Variants in TLE4 observed in about 807,000 individuals in gnomAD.
The protein encoded by TLE4 is transducin-like enhancer protein 4.
Under a neutral mutation model 92.8 loss-of-function variants are expected in TLE4, and 8 were observed. The ratio of observed to expected loss-of-function variants is 0.09; its 90% CI spans 0.05 to 0.16. TLE4 has a LOEUF of 0.16. TLE4 is among the 10% of genes least tolerant of loss of function. TLE4 has a pLI of 1.00. For missense variants in TLE4, 675 were observed against 997.6 expected, an observed-to-expected ratio of 0.68 and a Z score of 4.36; for synonymous variants, 371 against 374.1, an observed-to-expected ratio of 0.99 and a Z score of 0.10.
At position 79,582,639 on chromosome 9, in the gene TLE4, C is replaced by CTT. The variant is rs35195007; in HGVS notation, c.252+6478_252+6479dup. 6.7e-3 allele frequency among the ~76,000 whole-genome samples: 777 copies of CTT among 115,624 alleles called. 10 individuals are homozygous for CTT. The highest frequency in any genetic ancestry group is 0.018 in the Admixed American group (205 of 11,398). The allele number at this position is 115,624 out of a possible 152,430, so 75.9% of individuals were successfully genotyped here. A position where few individuals can be genotyped will look rare whatever the true frequency, so the allele number is the denominator to read the frequency against. ...TTATTTGTGTTTGTTTTTAATGTGG[C>CTT]TTTTTTTTTTTTTTTTTGCCTTTGA... is the stretch of plus-strand genomic sequence containing the variant. On this transcript the variant is annotated intron_variant, in intron 4 of 19. Transcript: ENST00000376552.
At chr9:79,634,159 T>A (rs1456025807) in intron 6 of TLE4, among the ~76,000 whole-genome samples, 1 of 152,214 alleles carries the variant, frequency 6.6e-6, no homozygotes, top group Non-Finnish European at 1.5e-5. Context: ...GGGCATATTT[T>A]ATTTTCATTT....
intron 4 of TLE4, among the ~76,000 whole-genome samples, chr9:79,582,453 A>G (rs1212801116): frequency 6.6e-6 from 1 of 152,136 alleles, no homozygotes; most frequent in African/African-American, 2.4e-5. Flanking sequence ...AGCACTGGTG[A>G]AGGAGACAAT....
chr9:79,682,094 A>T (rs971404138), intron 8 of TLE4, among the ~76,000 whole-genome samples: 3 of 152,108 alleles, frequency 2.0e-5, no homozygotes, highest in African/African-American at 7.2e-5. Context: ...ATCTGGAAGC[A>T]TCCTATTTTG....
intron 5 of TLE4, among the ~76,000 whole-genome samples, chr9:79,622,018 C>T (rs761124441): frequency 6.6e-6 from 1 of 152,212 alleles, no homozygotes; most frequent in South Asian, 2.1e-4. Flanking sequence ...TACTCAAATG[C>T]AGAACTGATA....
chr9:79,652,408 C>T (rs188491890), intron 6 of TLE4, among the ~76,000 whole-genome samples, 185 bp from the exon 7 acceptor site: 34 of 152,254 alleles, frequency 2.2e-4, no homozygotes, highest in African/African-American at 7.9e-4. Context: ...AGGGTGGTCT[C>T]AATCTCCTGA....
intron 5 of TLE4, among the ~76,000 whole-genome samples, chr9:79,616,808 T>G (rs2049746937): frequency 1.3e-5 from 2 of 152,114 alleles, no homozygotes; most frequent in South Asian, 4.1e-4. Context: ...CCTAAAACTC[T>G]ACATCACTGT....
chr9:79,612,859 T>G (rs2048671677), intron 5 of TLE4, 141 bp downstream of exon 5: 1 of 687,752 alleles, frequency 1.5e-6, no homozygotes, highest in East Asian at 2.6e-5. Context: ...AACAGTGTTC[T>G]CACTCCAACT....
At chr9:79,577,050 A>G (rs1178820427) in intron 4 of TLE4, among the ~76,000 whole-genome samples, 1 of 152,062 alleles carries the variant, frequency 6.6e-6, no homozygotes, top group Non-Finnish European at 1.5e-5. Flanking sequence ...GTGATCTCCT[A>G]GTGGAAGCAC....
intron 8 of TLE4, among the ~76,000 whole-genome samples, chr9:79,664,950 G>A (rs2061156362): frequency 6.6e-6 from 1 of 152,026 alleles, no homozygotes. Context: ...AGAAATGAAA[G>A]AAGAATATTA....
At chr9:79,630,135 A>G (rs1290307379) in intron 6 of TLE4, among the ~76,000 whole-genome samples, 1 of 152,212 alleles carries the variant, frequency 6.6e-6, no homozygotes, top group Non-Finnish European at 1.5e-5. Context: ...ATGTATGCAC[A>G]CCATCCAGAC....
intron 4 of TLE4, among the ~76,000 whole-genome samples, chr9:79,611,517 C>T (rs1233372834): frequency 1.3e-5 from 2 of 152,048 alleles, no homozygotes. Context: ...GTGTCACTGT[C>T]ATTCTGGTAA....
In TLE4 at chr9:79,718,710, C is replaced by T. The variant is rs1214850068; in HGVS notation, c.1341-12C>T. On this transcript the variant is annotated splice_polypyrimidine_tract_variant and intron_variant, in intron 14 of 19. Transcript: ENST00000376552. ...CATTCCCCTCTTTCTTTTTTCCTCT[C>T]CATTGCCTTAGAGCATACTCCTTCC... is the stretch of plus-strand genomic sequence containing the variant. The T allele has an allele frequency of 3.8e-6, 6 of 1,597,204 alleles. No individual in the cohort carries two copies. The highest frequency in any genetic ancestry group is 1.7e-4 in the Middle Eastern group (1 of 5,980).
chr9:79,603,591 C>CTGTA (rs2046165545), intron 4 of TLE4, among the ~76,000 whole-genome samples: 1 of 152,040 alleles, frequency 6.6e-6, no homozygotes, highest in East Asian at 1.9e-4. Context: ...TTGTACTATA[C>CTGTA]TGTAGTACAC....
At chr9:79,577,094 G>T (rs1414395387) in intron 4 of TLE4, among the ~76,000 whole-genome samples, 1 of 152,066 alleles carries the variant, frequency 6.6e-6, no homozygotes, top group East Asian at 1.9e-4. Context: ...GAATAGGTGT[G>T]TATGTGTTTG....
intron 6 of TLE4, chr9:79,649,682 A>T: frequency 1.9e-6 from 1 of 539,184 alleles, no homozygotes; most frequent in Non-Finnish European, 2.9e-6. Flanking sequence ...TCATTTTAGA[A>T]CTGTTCTGAG....
At chr9:79,717,796 T>G (rs1185858161) in intron 14 of TLE4, among the ~76,000 whole-genome samples, 1 of 152,096 alleles carries the variant, frequency 6.6e-6, no homozygotes, top group Non-Finnish European at 1.5e-5. Context: ...CCAAGTAGAG[T>G]AGCATCTTTT....
intron 4 of TLE4, among the ~76,000 whole-genome samples, chr9:79,594,375 G>C (rs1033352164): frequency 1.3e-5 from 2 of 152,186 alleles, no homozygotes; most frequent in Non-Finnish European, 2.9e-5. Context: ...TATAGTTCAT[G>C]AAGTCTGTGT....
Position 79,681,831 on chromosome 9 carries a change from C to CAT in TLE4, c.610-22951_610-22950dup, listed in dbSNP as rs1554771958. On this transcript the variant is annotated intron_variant, in intron 8 of 19. Transcript: ENST00000376552. ...GAGAGAGAGAGAGAGAGAGTGTGTG[C>CAT]ATGTGTGTGTGTGTGTGTGTGTGTG... 7.3e-5 allele frequency among the ~76,000 whole-genome samples: 5 copies of CAT among 68,156 alleles called. No individual in the cohort carries two copies. The South Asian group carries it at 1.7e-3, about 23-fold the overall frequency. 44.7% of individuals were successfully genotyped at this position (68,156 alleles called of 152,430 possible).
At chr9:79,672,879 AC>A (rs1208693588) in intron 8 of TLE4, among the ~76,000 whole-genome samples, 1 of 152,154 alleles carries the variant, frequency 6.6e-6, no homozygotes, top group Non-Finnish European at 1.5e-5. Flanking sequence ...TAAAGTGGAA[AC>A]TTTCTACAGC....
Sources: gnomAD v4.1 joint callset for allele counts (sites outside exome capture counted in the v4.1 genomes callset) on GRCh38, gnomAD v4.1.1 for gene constraint, MANE v1.5 for transcripts, NCBI Gene and HGNC (gene_info 2026-07-23, HGNC 2026-07-21) for gene names.